The following DLG5 variants were observed in gnomAD, a reference collection of about 807,000 sequenced individuals.
DLG5 encodes the protein disks large homolog 5.
Under a neutral mutation model 189.8 loss-of-function variants are expected in DLG5, and 48 were observed. That is an observed-to-expected ratio of 0.25 (90% CI 0.20 to 0.32). The LOEUF is 0.32. Ranked by LOEUF, DLG5 falls within the 10% of genes least tolerant of loss-of-function variation. The pLI, the probability that DLG5 is intolerant of heterozygous loss-of-function variation, is 1.00. For missense variants in DLG5, 2,160 were observed against 2,544.7 expected, an observed-to-expected ratio of 0.85 and a Z score of 3.25; for synonymous variants, 1,016 against 1,054.1, an observed-to-expected ratio of 0.96 and a Z score of 0.70.
At chr10:77,938,417 C>A in the DLG5 span, among the ~76,000 whole-genome samples, 3 of 152,090 alleles carry the variant, frequency 2.0e-5, no homozygotes, top group Non-Finnish European at 2.9e-5. Context: ...GGTGACAGAG[C>A]AAGACCCTGT....
At chr10:77,866,323 C>T (rs1189920976) in intron 2 of DLG5, among the ~76,000 whole-genome samples, 1 of 152,178 alleles carries the variant, frequency 6.6e-6, no homozygotes, top group South Asian at 2.1e-4. Context: ...AAACCCTCAG[C>T]GTTTCTGATG....
At chr10:77,937,150 G>A in the DLG5 span, among the ~76,000 whole-genome samples, 1 of 152,098 alleles carries the variant, frequency 6.6e-6, no homozygotes, top group East Asian at 1.9e-4. Context: ...GAGCTTGGCT[G>A]TCTTCTAACT....
chr10:77,908,532 G>A (rs1437708103), intron 1 of DLG5, among the ~76,000 whole-genome samples: 1 of 152,136 alleles, frequency 6.6e-6, no homozygotes, highest in Non-Finnish European at 1.5e-5. Context: ...AGCACCTGCT[G>A]AGCGAATGCT....
At chr10:77,906,999 C>A (rs138309549) in intron 1 of DLG5, among the ~76,000 whole-genome samples, 1 of 152,194 alleles carries the variant, frequency 6.6e-6, no homozygotes, top group Non-Finnish European at 1.5e-5. Context: ...CACTACACAC[C>A]ACTCACCACG....
intron 4 of DLG5, 85 bp downstream of exon 4, chr10:77,854,134 ACCAGAACC>A: frequency 6.7e-7 from 1 of 1,501,934 alleles, no homozygotes; most frequent in African/African-American, 1.4e-5. Context: ...CAGGACTAGA[ACCAGAACC>A]CCTGGCTACT....
intron 13 of DLG5, among the ~76,000 whole-genome samples, chr10:77,828,444 G>A (rs1231542219): frequency 2.4e-5 from 3 of 127,654 alleles, no homozygotes; most frequent in East Asian, 2.5e-4. Flanking sequence ...CCGGGATTGC[G>A]CCACTGCGTT....
chr10:77,796,085 C>T lies in DLG5; in HGVS notation c.5412G>A (p.Ala1804=), dbSNP rs138488776. The T allele has an allele frequency of 4.3e-6, 7 of 1,614,194 alleles. No individual in the cohort carries two copies. Among genetic ancestry groups the T allele is most frequent in the East Asian group, 2.2e-5 (1 of 44,874 alleles). ...CCTTTTCTGTGATCTCCTTTATTGA[C>T]GCCACAGTGGTCACATCGAAATGGC... ...RSGHFDVTTV[A]SIKEITEKNR... Residue 1804 remains alanine, a synonymous_variant, in exon 29 of 32, where the codon GCG becomes GCA. Coordinates refer to ENST00000372391, the MANE Select transcript of DLG5 (RefSeq NM_004747.4). This position sits in a 1 kb window ranked among gnomAD's most constrained non-coding sequence, Gnocchi z 5.2.
Position 77,808,100 on chromosome 10 carries a change from A to C in DLG5, c.4648-156T>G, listed in dbSNP as rs1281810341. ...CCTCTGCAGGAAGGACTGAGTCTTCATGGTCTCCCCAGTCTCCAGGTCCTG... is the reference window on the plus strand; with the variant it reads ...CCTCTGCAGGAAGGACTGAGTCTTCCTGGTCTCCCCAGTCTCCAGGTCCTG... On this transcript the variant is annotated intron_variant, in intron 24 of 31. Coordinates refer to ENST00000372391, the MANE Select transcript of DLG5 (RefSeq NM_004747.4). The C allele has an allele frequency of 5.5e-6, 5 of 913,324 alleles. No homozygotes were observed. The East Asian group carries it at 1.1e-4, about 19-fold the overall frequency. The allele number at this position is 913,324 out of a possible 1,614,324, so 56.6% of individuals were successfully genotyped here.
chr10:77,860,696 A>T (rs1392025595), intron 2 of DLG5, among the ~76,000 whole-genome samples: 1 of 152,226 alleles, frequency 6.6e-6, no homozygotes, highest in African/African-American at 2.4e-5. Context: ...ACATCAGGAA[A>T]CACAATCTTA....
intron 1 of DLG5, among the ~76,000 whole-genome samples, chr10:77,906,903 G>A (rs1846086222): frequency 1.3e-5 from 2 of 152,004 alleles, no homozygotes. Context: ...TGGGATTACA[G>A]GTATGAGCCA....
At chr10:77,937,072 G>T in the DLG5 span, among the ~76,000 whole-genome samples, 1 of 152,050 alleles carries the variant, frequency 6.6e-6, no homozygotes, top group Non-Finnish European at 1.5e-5. Context: ...CACCTCTTCA[G>T]AACAACATAC....
intron 1 of DLG5, among the ~76,000 whole-genome samples, chr10:77,877,787 G>T (rs1321865155): frequency 6.6e-6 from 1 of 152,178 alleles, no homozygotes; most frequent in Non-Finnish European, 1.5e-5. Flanking sequence ...CCTGGAAGGT[G>T]GGGGTGGAGG....
intron 13 of DLG5, among the ~76,000 whole-genome samples, chr10:77,825,507 T>A (rs1291618190): frequency 6.6e-6 from 1 of 151,804 alleles, no homozygotes; most frequent in African/African-American, 2.4e-5. Context: ...AGGACCCCCC[T>A]GTACTATCTC....
At chr10:77,813,839 C>T (rs570629968) in intron 20 of DLG5, among the ~76,000 whole-genome samples, 3 of 152,340 alleles carry the variant, frequency 2.0e-5, no homozygotes, top group Non-Finnish European at 2.9e-5. Flanking sequence ...GAGGCCCGAT[C>T]GGCATCATTT....
chr10:77,822,111 G>T lies in DLG5; in HGVS notation c.2383-10C>A, dbSNP rs761290008. The T allele has an allele frequency of 6.2e-7, 1 of 1,604,518 alleles. No homozygotes were observed. The highest frequency in any genetic ancestry group is 8.5e-7 in the Non-Finnish European group (1 of 1,174,854). On this transcript the variant is annotated splice_polypyrimidine_tract_variant and intron_variant, in intron 14 of 31. Coordinates refer to ENST00000372391, the MANE Select transcript of DLG5 (RefSeq NM_004747.4). ...AGCTCTGAGGGAATACCTAGGCAGGGATTGCAGAGGAGTGAGAGAGAGAGT... is the reference window on the plus strand; with the variant it reads ...AGCTCTGAGGGAATACCTAGGCAGGTATTGCAGAGGAGTGAGAGAGAGAGT...
rs754903363 is a variant in DLG5 at position 77,822,141 on chromosome 10, T to C, written c.2383-40A>G. ...CAGAGGAGTGAGAGAGAGAGTGAGA[T>C]GGCAGGACTTGGAGCTGCCACTGAA... On this transcript the variant is annotated intron_variant, in intron 14 of 31. Coordinates refer to ENST00000372391, the MANE Select transcript of DLG5 (RefSeq NM_004747.4). The C allele has an allele frequency of 1.6e-5, 25 of 1,572,028 alleles. No individual in the cohort carries two copies. In the East Asian group the frequency reaches 5.4e-4, roughly 34 times the overall value.
rs113645633 is a variant in DLG5, at chr10:77,815,252, G to A, written c.4025+1299C>T. 1.1e-3 allele frequency among the ~76,000 whole-genome samples: 160 copies of A among 152,350 alleles called. 1 individual carries two copies. The highest frequency in any genetic ancestry group is 3.8e-3 in the African/African-American group (157 of 41,588). The stretch of plus-strand genomic sequence containing the variant: ...TAAGAGCTCCGTCAGCATTTCTTCC[G>A]AGTTACACCCGATTCCCCTACTGGG... On this transcript the variant is annotated intron_variant, in intron 20 of 31. Coordinates refer to ENST00000372391, the MANE Select transcript of DLG5 (RefSeq NM_004747.4).
In DLG5 at chr10:77,796,223, A is replaced by T; in HGVS notation, c.5309-35T>A. ...ACAGACACAGGAATCAGGGAGCCCCAGGCCCTGCTGAGCCCCAGCAGAGGG... is the reference window on the plus strand; with the variant it reads ...ACAGACACAGGAATCAGGGAGCCCCTGGCCCTGCTGAGCCCCAGCAGAGGG... On this transcript the variant is annotated intron_variant, in intron 28 of 31. Coordinates refer to ENST00000372391, the MANE Select transcript of DLG5 (RefSeq NM_004747.4). This position sits in a 1 kb window ranked among gnomAD's most constrained non-coding sequence, Gnocchi z 5.2. The T allele has an allele frequency of 6.2e-7, 1 of 1,613,560 alleles. No homozygotes were observed. Among genetic ancestry groups the T allele is most frequent in the Non-Finnish European group, 8.5e-7 (1 of 1,179,934 alleles).
intron 5 of DLG5, among the ~76,000 whole-genome samples, chr10:77,850,037 C>CT (rs1210461748): frequency 7.3e-5 from 11 of 151,424 alleles, no homozygotes; most frequent in Non-Finnish European, 1.2e-4. Context: ...AATTCTGAGT[C>CT]TTTTTTTTTC....
Sources: gnomAD v4.1 joint callset for allele counts (sites outside exome capture counted in the v4.1 genomes callset) on GRCh38, gnomAD v4.1.1 for gene constraint, Gnocchi (gnomAD v3.1) non-coding constraint, MANE v1.5 for transcripts, NCBI Gene and HGNC (gene_info 2026-07-23, HGNC 2026-07-21) for gene names.